ABCA1: variants seen among roughly 807,000 people sequenced by gnomAD.
ABCA1 encodes phospholipid-transporting ATPase ABCA1.
A neutral mutation model predicts 262.5 loss-of-function variants in ABCA1; 133 were observed. The observed-to-expected ratio is 0.51, with a 90% CI of 0.44 to 0.59. The LOEUF (loss-of-function observed/expected upper bound fraction) is 0.59, where lower values mean the gene tolerates loss of function less well. Among genes scored for constraint, ABCA1 ranks in the 20% least tolerant of loss-of-function variants. ABCA1 has a pLI of 0.00. For missense variants in ABCA1, 2,452 were observed against 2,777.5 expected (o/e 0.88, Z 2.63); for synonymous variants, 1,022 against 1,043.5 (o/e 0.98, Z 0.40).
At chr9:104,843,082 T>C (rs889737164) in intron 8 of ABCA1, among the ~76,000 whole-genome samples, 3 of 152,180 alleles carry the variant, frequency 2.0e-5, no homozygotes, top group African/African-American at 7.2e-5. Context: ...TAGAGAGAGC[T>C]TTCCTAATCA....
chr9:104,883,003 C>A (rs1183287637), intron 5 of ABCA1, 36 bp downstream of exon 5: 5 of 1,550,442 alleles, frequency 3.2e-6, no homozygotes, highest in Non-Finnish European at 4.5e-6. Context: ...GGTCAATTTC[C>A]AATTATAAAC....
chr9:104,804,566 G>A lies in ABCA1; in HGVS notation c.4559+60C>T. The stretch of plus-strand genomic sequence containing the variant: ...CCACTGTTTCAGTCTGTTATTTGTA[G>A]GTCTTTAATTCCTCTAATTAGTAAT... On this transcript the variant is annotated intron_variant, in intron 32 of 49. Transcript: ENST00000374736. 4 of 1,298,260 alleles carry A rather than the reference G, an allele frequency of 3.1e-6. No individual in the cohort carries two copies. The South Asian group carries it at 4.7e-5, about 15-fold the overall frequency. 80.4% of individuals were successfully genotyped at this position (1,298,260 alleles called of 1,614,324 possible). A position where few individuals can be genotyped will look rare whatever the true frequency, so the allele number is the denominator to read the frequency against.
chr9:104,796,217 TAA>T lies in ABCA1; in HGVS notation c.5238-22_5238-21del, dbSNP rs755633297. On this transcript the variant is annotated intron_variant, in intron 38 of 49. Transcript: ENST00000374736. ...GACCACCTGTTGAGACACAAAAAGA[TAA>T]GTGTCTACTGAGAGTCCCTGCCCTC... 13 of 1,614,040 alleles carry T rather than the reference TAA, an allele frequency of 8.1e-6. No homozygotes were observed. In the Admixed American group the frequency reaches 2.2e-4, roughly 27 times the overall value.
intron 6 of ABCA1, among the ~76,000 whole-genome samples, chr9:104,859,340 CTTAA>C (rs1836140874): frequency 6.6e-6 from 1 of 152,148 alleles, no homozygotes; most frequent in Admixed American, 6.5e-5. Flanking sequence ...TCATATTTTA[CTTAA>C]TTGCCTTTCT....
intron 5 of ABCA1, among the ~76,000 whole-genome samples, chr9:104,882,676 T>G (rs1838794016): frequency 6.6e-6 from 1 of 152,276 alleles, no homozygotes; most frequent in Admixed American, 6.5e-5. Flanking sequence ...TGCTCTTATA[T>G]GCACAGAAAT....
At position 104,887,406 on chromosome 9, in the gene ABCA1, A is replaced by G. The variant is rs140321357; in HGVS notation, c.160+1696T>C. On this transcript the variant is annotated intron_variant, in intron 3 of 49. Transcript: ENST00000374736. ...GAGGAATCTAGGTTAAAACTCAACAATCTGCCCAAGATCACAACCTCGGTG... is the reference window on the plus strand; with the variant it reads ...GAGGAATCTAGGTTAAAACTCAACAGTCTGCCCAAGATCACAACCTCGGTG... Among the ~76,000 whole-genome samples the G allele has an allele frequency of 9.1e-4, 139 of 152,246 alleles. 2 individuals are homozygous for G. The highest frequency in any genetic ancestry group is 3.3e-3 in the African/African-American group (136 of 41,544).
At chr9:104,874,872 G>A (rs1333698281) in intron 5 of ABCA1, among the ~76,000 whole-genome samples, 1 of 139,916 alleles carries the variant, frequency 7.1e-6, no homozygotes, top group Admixed American at 6.8e-5. Flanking sequence ...AGGGAGGTGG[G>A]GGGCAGCCCC....
intron 39 of ABCA1, among the ~76,000 whole-genome samples, 196 bp downstream of exon 39, chr9:104,795,857 C>A (rs1385450351): frequency 6.6e-6 from 1 of 152,202 alleles, no homozygotes; most frequent in Non-Finnish European, 1.5e-5. Context: ...AACTGAAAGG[C>A]TTGACCAGCA....
intron 5 of ABCA1, among the ~76,000 whole-genome samples, chr9:104,873,804 C>T (rs147960998): frequency 6.6e-6 from 1 of 152,288 alleles, no homozygotes; most frequent in African/African-American, 2.4e-5. Context: ...TAATTTGCCA[C>T]AATAGTCCTG....
At chr9:104,842,107 T>C (rs1304136015) in intron 8 of ABCA1, among the ~76,000 whole-genome samples, 1 of 152,144 alleles carries the variant, frequency 6.6e-6, no homozygotes, top group Non-Finnish European at 1.5e-5. Flanking sequence ...TCCAGCACTC[T>C]CTAGGTCCTA....
intron 4 of ABCA1, 41 bp from the exon 5 acceptor site, chr9:104,883,198 C>G: frequency 6.6e-7 from 1 of 1,515,364 alleles, no homozygotes. Context: ...TTTAGCTAGG[C>G]CAACTGCCTC....
chr9:104,859,248 G>C lies in ABCA1; in HGVS notation c.544-550C>G, dbSNP rs148965052. Among the ~76,000 whole-genome samples, 9 of 152,270 alleles carry C rather than the reference G, an allele frequency of 5.9e-5. No homozygotes were observed. In the East Asian group the frequency reaches 1.7e-3, roughly 29 times the overall value. On this transcript the variant is annotated intron_variant, in intron 6 of 49. Coordinates refer to ENST00000374736, the MANE Select transcript of ABCA1 (RefSeq NM_005502.4). The stretch of plus-strand genomic sequence containing the variant: ...CTAGAGCAGAGTGCCAGAAAGCCAG[G>C]CCTCTTATCTCATTGATAGGCCAAT...
At chr9:104,784,482 A>G (rs370133177) in intron 49 of ABCA1, 27 bp from the exon 50 acceptor site, 2 of 1,613,876 alleles carry the variant, frequency 1.2e-6, no homozygotes, top group Non-Finnish European at 1.7e-6. Flanking sequence ...ATGGACCTTT[A>G]TAAATACCAC....
intron 1 of ABCA1, among the ~76,000 whole-genome samples, chr9:104,907,264 G>C (rs1841213545): frequency 1.3e-5 from 2 of 152,132 alleles, no homozygotes; most frequent in Admixed American, 1.3e-4. Flanking sequence ...CTAATGCCTA[G>C]GTCTCAAACT....
At chr9:104,834,450 G>A (rs1322372204) in intron 11 of ABCA1, among the ~76,000 whole-genome samples, 1 of 149,544 alleles carries the variant, frequency 6.7e-6, no homozygotes, top group Non-Finnish European at 1.5e-5. Context: ...TACCTCACAA[G>A]TTCACAGAGG....
intron 7 of ABCA1, chr9:104,855,711 A>C: frequency 6.5e-7 from 1 of 1,540,024 alleles, no homozygotes; most frequent in Non-Finnish European, 8.8e-7. Context: ...ACAGGGACTA[A>C]ATAATTTATC....
At chr9:104,799,659 T>C (rs908767345) in intron 36 of ABCA1, 160 bp downstream of exon 36, 1 of 985,304 alleles carries the variant, frequency 1.0e-6, no homozygotes, top group Non-Finnish European at 1.2e-6. Context: ...AGCCAATTCG[T>C]AAACTTATCA....
chr9:104,884,940 G>A (rs918383981), intron 3 of ABCA1, among the ~76,000 whole-genome samples: 1 of 152,194 alleles, frequency 6.6e-6, no homozygotes, highest in Non-Finnish European at 1.5e-5. Flanking sequence ...AGGTAACTAC[G>A]GTAAGATGAA....
At chr9:104,839,305 C>T (rs528386185) in intron 9 of ABCA1, among the ~76,000 whole-genome samples, 1 of 152,338 alleles carries the variant, frequency 6.6e-6, no homozygotes, top group Admixed American at 6.5e-5. Context: ...CCACCACTAA[C>T]AGTTATCTTA....
Sources: allele counts gnomAD v4.1 joint callset (sites outside exome capture counted in the v4.1 genomes callset), GRCh38; gene constraint gnomAD v4.1.1; transcripts MANE v1.5; gene names NCBI Gene and HGNC (gene_info 2026-07-23, HGNC 2026-07-21).